The following RARB variants were observed in gnomAD, a reference collection of about 807,000 sequenced individuals.
The protein encoded by RARB is HBV-activated protein.
Under a neutral mutation model 51.9 loss-of-function variants are expected in RARB, and 17 were observed. The observed-to-expected ratio is 0.33, with a 90% CI of 0.22 to 0.49. RARB has a LOEUF of 0.49. Ranked by LOEUF, RARB falls within the 20% of genes least tolerant of loss-of-function variation. The pLI is 0.99. For missense variants in RARB, 369 were observed against 550.8 expected (o/e 0.67, Z 3.30); for synonymous variants, 215 against 195.4 (o/e 1.10, Z -0.84).
At chr3:25,482,821 G>A (rs1696299681) in intron 2 of RARB, among the ~76,000 whole-genome samples, 1 of 151,984 alleles carries the variant, frequency 6.6e-6, no homozygotes, top group Non-Finnish European at 1.5e-5. Flanking sequence ...TTACAGGCGT[G>A]AGCCACCCGC....
intron 4 of RARB, among the ~76,000 whole-genome samples, chr3:25,172,885 C>A (rs148561649): frequency 6.6e-6 from 1 of 151,898 alleles, no homozygotes; most frequent in South Asian, 2.1e-4. Flanking sequence ...TTCTATTATT[C>A]TTATTTTACA....
chr3:25,013,232 G>T (rs547737939), intron 2 of RARB, among the ~76,000 whole-genome samples: 29 of 152,054 alleles, frequency 1.9e-4, no homozygotes, highest in Non-Finnish European at 3.1e-4. Flanking sequence ...TTGGCATGAA[G>T]ACCAGTGTTT....
At chr3:24,962,856 C>T (rs775611015) in intron 2 of RARB, among the ~76,000 whole-genome samples, 5 of 152,254 alleles carry the variant, frequency 3.3e-5, no homozygotes, top group Admixed American at 1.3e-4. Flanking sequence ...TATGTGTTAA[C>T]TCAATTAATC....
chr3:25,104,536 C>G (rs544636371), intron 3 of RARB, among the ~76,000 whole-genome samples: 12 of 152,060 alleles, frequency 7.9e-5, no homozygotes, highest in African/African-American at 2.9e-4. Context: ...TCCAGCTACT[C>G]GGGAGGCTAT....
At chr3:25,561,504 A>G (rs1575520739) in intron 3 of RARB, among the ~76,000 whole-genome samples, 1 of 151,314 alleles carries the variant, frequency 6.6e-6, no homozygotes, top group East Asian at 1.9e-4. Flanking sequence ...TGGGCTCTCT[A>G]CTGGGTAGGC....
chr3:24,877,830 C>G (rs190216882), intron 2 of RARB, among the ~76,000 whole-genome samples: 4 of 152,250 alleles, frequency 2.6e-5, no homozygotes, highest in Middle Eastern at 3.4e-3. Context: ...TCTACCTGTC[C>G]ACAGGCCTCC....
chr3:25,029,611 C>T (rs1490475148), intron 2 of RARB, among the ~76,000 whole-genome samples: 1 of 152,160 alleles, frequency 6.6e-6, no homozygotes, highest in Admixed American at 6.6e-5. Flanking sequence ...CTTTTCTCCA[C>T]GTGACTCTGA....
intron 3 of RARB, among the ~76,000 whole-genome samples, chr3:25,102,964 C>T (rs1182845002): frequency 2.0e-5 from 3 of 152,134 alleles, no homozygotes; most frequent in African/African-American, 7.2e-5. Flanking sequence ...GCAGGAGAAT[C>T]AATTGAACCC....
intron 4 of RARB, among the ~76,000 whole-genome samples, chr3:25,155,266 C>T (rs1320337928): frequency 6.6e-6 from 1 of 152,162 alleles, no homozygotes; most frequent in East Asian, 1.9e-4. Context: ...ATCACCCTCC[C>T]TTTTAGAACT....
intron 2 of RARB, among the ~76,000 whole-genome samples, chr3:25,495,707 G>A (rs1272214434): frequency 6.6e-6 from 1 of 152,236 alleles, no homozygotes; most frequent in Non-Finnish European, 1.5e-5. Flanking sequence ...GCTTGACTCA[G>A]TGTGTAACAC....
intron 3 of RARB, among the ~76,000 whole-genome samples, chr3:25,094,716 CAAAAAAAAAAA>C (rs57477720): frequency 7.0e-5 from 3 of 43,092 alleles, no homozygotes; most frequent in African/African-American, 9.3e-5. Context: ...GACCCCATCT[CAAAAAAAAAAA>C]AAAAAAAAAA....
intron 3 of RARB, among the ~76,000 whole-genome samples, chr3:25,132,120 A>G (rs898890134): frequency 6.6e-6 from 1 of 151,926 alleles, no homozygotes; most frequent in Non-Finnish European, 1.5e-5. Flanking sequence ...AAAGAACCTA[A>G]GCGATGATCT....
chr3:25,443,436 A>G (rs1489063128), intron 1 of RARB, among the ~76,000 whole-genome samples: 1 of 149,560 alleles, frequency 6.7e-6, no homozygotes, highest in Non-Finnish European at 1.5e-5. Flanking sequence ...TTTTTGGCCT[A>G]TCCCTAGAAA....
chr3:25,582,429 G>A (rs1701213939), intron 5 of RARB, among the ~76,000 whole-genome samples: 1 of 151,952 alleles, frequency 6.6e-6, no homozygotes, highest in Non-Finnish European at 1.5e-5. Context: ...CCACCCAGCA[G>A]GGCCTGGAGC....
At chr3:25,300,104 A>G (rs1157383761) in intron 5 of RARB, among the ~76,000 whole-genome samples, 1 of 152,236 alleles carries the variant, frequency 6.6e-6, no homozygotes, top group Non-Finnish European at 1.5e-5. Flanking sequence ...ATGATATCAC[A>G]TGAAATAATT....
At chr3:24,867,336 G>A (rs1702869313) in intron 2 of RARB, among the ~76,000 whole-genome samples, 1 of 152,096 alleles carries the variant, frequency 6.6e-6, no homozygotes, top group East Asian at 1.9e-4. Context: ...CAGTTTGAAG[G>A]CTAAATGCAA....
At chr3:25,043,741 C>T (rs1294747447) in intron 2 of RARB, among the ~76,000 whole-genome samples, 1 of 152,142 alleles carries the variant, frequency 6.6e-6, no homozygotes, top group Non-Finnish European at 1.5e-5. Flanking sequence ...TACGTGACCA[C>T]TCAGCATGCT....
At chr3:24,854,709 T>G (rs779258644) in intron 1 of RARB, among the ~76,000 whole-genome samples, 2 of 152,178 alleles carry the variant, frequency 1.3e-5, no homozygotes, top group Non-Finnish European at 2.9e-5. Context: ...CTACGTATTG[T>G]AGGATATTTA....
At chr3:25,563,597 G>T (rs762179968) in intron 3 of RARB, among the ~76,000 whole-genome samples, 2 of 152,210 alleles carry the variant, frequency 1.3e-5, no homozygotes, top group Non-Finnish European at 2.9e-5. Flanking sequence ...TGTGGGAAAA[G>T]TAAGTCTCTA....
Sources: gnomAD v4.1 joint callset for allele counts (sites outside exome capture counted in the v4.1 genomes callset) on GRCh38, gnomAD v4.1.1 for gene constraint, MANE v1.5 for transcripts, NCBI Gene and HGNC (gene_info 2026-07-23, HGNC 2026-07-21) for gene names.